The following UBR1 variants were observed in gnomAD, a reference collection of about 807,000 sequenced individuals.
UBR1 encodes the protein E3 ubiquitin-protein ligase UBR1.
Under a neutral mutation model 242.1 loss-of-function variants are expected in UBR1, and 102 were observed. The ratio of observed to expected loss-of-function variants is 0.42; its 90% CI spans 0.36 to 0.50. The LOEUF is 0.50. Ranked by LOEUF, UBR1 falls within the 20% of genes least tolerant of loss-of-function variation. The pLI is 0.01. For synonymous variants in UBR1, 675 were observed against 684.8 expected, an observed-to-expected ratio of 0.99 and a Z score of 0.22; for missense variants, 1,772 against 2,101.8, an observed-to-expected ratio of 0.84 and a Z score of 3.07.
At position 42,963,953 on chromosome 15, in the gene UBR1, A is replaced by G. The variant is rs2141257505; in HGVS notation, c.4682T>C (p.Val1561Ala). The stretch of plus-strand genomic sequence containing the variant: ...ATAGTACCTCTGGAGCAAGGGCCTT[A>G]CAGTATCCCAATATTCCTGGAAGAG... The part of the protein sequence containing the change: ...FLLFQEYWDT[V>A]RPLLQRWCAD... The change falls in exon 42 of 47, where the codon GTA becomes GCA. Residue 1561 changes from valine (V) to alanine (A), a missense_variant. Physicochemically the swap from Val to Ala is moderately conservative, Grantham distance 64. Coordinates refer to ENST00000290650, the MANE Select transcript of UBR1 (RefSeq NM_174916.3). 1 of 1,612,308 alleles carries G rather than the reference A, an allele frequency of 6.2e-7. No homozygotes were observed. Among genetic ancestry groups the G allele is most frequent in the East Asian group, 2.2e-5 (1 of 44,830 alleles).
intron 41 of UBR1, among the ~76,000 whole-genome samples, chr15:42,965,409 G>A (rs1054074086): frequency 6.6e-6 from 1 of 151,932 alleles, no homozygotes; most frequent in African/African-American, 2.4e-5. Context: ...GGCCTAGGTT[G>A]GTTCTAGTAG....
chr15:43,015,404 C>G (rs1455298396), intron 29 of UBR1, among the ~76,000 whole-genome samples: 1 of 152,052 alleles, frequency 6.6e-6, no homozygotes, highest in Non-Finnish European at 1.5e-5. Context: ...GGATTAAGGG[C>G]GGTGCAAGAT....
intron 29 of UBR1, among the ~76,000 whole-genome samples, chr15:43,014,807 G>A (rs1301809041): frequency 2.7e-4 from 41 of 149,092 alleles, no homozygotes; most frequent in Non-Finnish European, 4.7e-4. Context: ...GCCCCTGCCC[G>A]GCCAGCCGCC....
intron 21 of UBR1, 122 bp downstream of exon 21, chr15:43,029,822 A>T: frequency 9.1e-7 from 1 of 1,097,502 alleles, no homozygotes; most frequent in Non-Finnish European, 1.4e-6. Flanking sequence ...TGATTGGTTT[A>T]CATCTATAAG....
At chr15:43,044,633 C>A (rs867774837) in intron 14 of UBR1, among the ~76,000 whole-genome samples, 1 of 152,194 alleles carries the variant, frequency 6.6e-6, no homozygotes, top group Non-Finnish European at 1.5e-5. Context: ...TGGCTCACAT[C>A]TGCAATCCTA....
intron 35 of UBR1, 33 bp downstream of exon 35, chr15:42,988,786 A>G (rs1384220373): frequency 1.9e-6 from 3 of 1,614,038 alleles, no homozygotes; most frequent in Non-Finnish European, 2.5e-6. Flanking sequence ...ATTCTCACTG[A>G]AACCTCCAAA....
At chr15:43,042,784 CAAAT>C (rs1444572770) in intron 15 of UBR1, among the ~76,000 whole-genome samples, 5 of 152,170 alleles carry the variant, frequency 3.3e-5, no homozygotes, top group Non-Finnish European at 5.9e-5. Context: ...AAAACCCTGA[CAAAT>C]GAATGGCCAA....
intron 2 of UBR1, among the ~76,000 whole-genome samples, chr15:43,083,817 C>A (rs761918987): frequency 2.0e-5 from 3 of 151,762 alleles, no homozygotes; most frequent in Non-Finnish European, 4.4e-5. Context: ...CCAAGGTGGG[C>A]GGATCACCTG....
chr15:43,045,953 C>T (rs956645646), intron 14 of UBR1, among the ~76,000 whole-genome samples: 1 of 152,134 alleles, frequency 6.6e-6, no homozygotes, highest in African/African-American at 2.4e-5. Context: ...ACAGATAATT[C>T]AAGGAAGATG....
intron 1 of UBR1, among the ~76,000 whole-genome samples, chr15:43,088,694 G>T (rs566321563): frequency 7.9e-5 from 12 of 151,772 alleles, no homozygotes; most frequent in Non-Finnish European, 1.8e-4. Context: ...ATAGACTAAG[G>T]GTCTGGAAGG....
intron 29 of UBR1, among the ~76,000 whole-genome samples, chr15:43,014,108 T>C (rs1250776582): frequency 1.3e-5 from 2 of 152,378 alleles, no homozygotes; most frequent in Non-Finnish European, 2.9e-5. Flanking sequence ...GGTCTCCAGC[T>C]CCTAACCGCG....
At chr15:43,104,552 T>G (rs1439971918) in intron 1 of UBR1, among the ~76,000 whole-genome samples, 4 of 152,122 alleles carry the variant, frequency 2.6e-5, no homozygotes, top group Non-Finnish European at 4.4e-5. Context: ...ACTGACATAG[T>G]CAGTGGCCAA....
At chr15:43,019,966 G>C (rs913173662) in intron 27 of UBR1, among the ~76,000 whole-genome samples, 1 of 151,712 alleles carries the variant, frequency 6.6e-6, no homozygotes, top group Admixed American at 6.6e-5. Context: ...TCTCTCCCCT[G>C]CTTATTTAAT....
chr15:43,038,020 A>C lies in UBR1; in HGVS notation c.1912-137T>G, dbSNP rs1457415649. 6 of 1,195,394 alleles carry C rather than the reference A, an allele frequency of 5.0e-6. No individual in the cohort carries two copies. The East Asian group carries it at 7.5e-5, about 15-fold the overall frequency. 74.0% of individuals were successfully genotyped at this position (1,195,394 alleles called of 1,614,324 possible). On this transcript the variant is annotated intron_variant, in intron 16 of 46. Coordinates refer to ENST00000290650, the MANE Select transcript of UBR1 (RefSeq NM_174916.3). ...ACTAGATGACGTCTAAGTCCCTGTG[A>C]CTCAGATTACAATGTACTATATGAA...
At position 43,083,743 on chromosome 15, in the gene UBR1, A is replaced by C. The variant is rs150669708; in HGVS notation, c.339-1027T>G. On this transcript the variant is annotated intron_variant, in intron 2 of 46. Transcript: ENST00000290650. ...GAAGAGATAAAATTGGGGAATTTTA[A>C]AAAGATTTTAAAAGGCTGGCCAGGC... Among the ~76,000 whole-genome samples the C allele has an allele frequency of 9.0e-4, 137 of 152,092 alleles. 1 individual carries two copies. The highest frequency in any genetic ancestry group is 2.8e-3 in the African/African-American group (118 of 41,526).
rs763094092 is a variant in UBR1 at position 42,963,892 on chromosome 15, A to T, written c.4700+43T>A. ...AAGTAATTGTAATTTTAAAATTTCA[A>T]ATTGTATAATAACCCAACAACAATA... On this transcript the variant is annotated intron_variant, in intron 42 of 46. Transcript: ENST00000290650. 1.7e-5 allele frequency: 25 copies of T among 1,471,664 alleles called. No homozygotes were observed. In the South Asian group the frequency reaches 2.7e-4, roughly 16 times the overall value. The allele number at this position is 1,471,664 out of a possible 1,614,324, so 91.2% of individuals were successfully genotyped here.
chr15:42,947,502 T>G (rs993616625), intron 46 of UBR1, among the ~76,000 whole-genome samples: 6 of 152,104 alleles, frequency 3.9e-5, no homozygotes, highest in African/African-American at 1.4e-4. Flanking sequence ...TTGTCCCTGT[T>G]TGCAGATGAC....
At chr15:43,048,364 T>C (rs781508767) in intron 13 of UBR1, 28 bp downstream of exon 13, 72 of 1,556,800 alleles carry the variant, frequency 4.6e-5, no homozygotes, top group Admixed American at 1.1e-4. Flanking sequence ...TAAATTTCTT[T>C]TACTGATGTA....
chr15:42,952,384 G>C lies in UBR1; in HGVS notation c.4900C>G (p.Leu1634Val). ...TGGCAGCAAATGTTCTGAGAACATA[G>C]TATAGCCCCACAGAAAAGGCAGAGG... ...PVLCLFCGAI[L>V]CSQNICCQEI... Residue 1634 changes from leucine (L) to valine (V), a missense_variant, in exon 45 of 47, where the codon CTA (leucine) becomes GTA (valine). Leu to Val is a conservative substitution (Grantham distance 32, BLOSUM62 1). This residue lies in a region of UBR1 where 965 missense variants were observed against 1,079.7 expected (regional missense o/e 0.89). Coordinates refer to ENST00000290650, the MANE Select transcript of UBR1 (RefSeq NM_174916.3). The C allele has an allele frequency of 6.2e-7, 1 of 1,614,236 alleles. No homozygotes were observed. Among genetic ancestry groups the C allele is most frequent in the Non-Finnish European group, 8.5e-7 (1 of 1,180,050 alleles).
Sources: allele counts gnomAD v4.1 joint callset (sites outside exome capture counted in the v4.1 genomes callset), GRCh38; gene constraint gnomAD v4.1.1; regional missense constraint gnomAD v4.1.1; transcripts MANE v1.5; gene names NCBI Gene and HGNC (gene_info 2026-07-23, HGNC 2026-07-21).